The following TENM2 variants were observed in gnomAD, a reference collection of about 807,000 sequenced individuals.
TENM2 encodes teneurin-2.
In TENM2, 52 loss-of-function variants were observed where a neutral mutation model predicts 245.2. The ratio of observed to expected loss-of-function variants is 0.21; its 90% CI spans 0.17 to 0.27. The LOEUF (loss-of-function observed/expected upper bound fraction) is 0.27, where lower values mean the gene tolerates loss of function less well. TENM2 is among the 10% of genes least tolerant of loss of function. The pLI, the probability that TENM2 is intolerant of heterozygous loss-of-function variation, is 1.00. For synonymous variants in TENM2, 1,363 were observed against 1,438.9 expected (o/e 0.95, Z 1.19); for missense variants, 3,046 against 3,666.8 (o/e 0.83, Z 4.37).
At chr5:167,341,358 C>A (rs1048854286) in intron 1 of TENM2, among the ~76,000 whole-genome samples, 1 of 151,774 alleles carries the variant, frequency 6.6e-6, no homozygotes, top group Non-Finnish European at 1.5e-5. Context: ...TCCAAACTAC[C>A]GGGATATCTG....
chr5:167,818,093 C>T (rs1016394005), intron 2 of TENM2, among the ~76,000 whole-genome samples: 5 of 152,176 alleles, frequency 3.3e-5, no homozygotes, highest in African/African-American at 1.2e-4. Context: ...AATAGTGTTA[C>T]TTTACAGTTA....
chr5:167,309,680 A>G (rs1169352872), intron 1 of TENM2: 1 of 152,166 alleles, frequency 6.6e-6, no homozygotes, highest in Admixed American at 6.5e-5. Context: ...CTTAAGGTTC[A>G]TTTTGTCCCT....
chr5:168,255,746 C>T (rs561630724), intron 27 of TENM2, among the ~76,000 whole-genome samples: 5 of 152,136 alleles, frequency 3.3e-5, no homozygotes, highest in African/African-American at 4.8e-5. Context: ...TTTCTGTTTA[C>T]GCCAAGTAAG....
chr5:167,648,007 A>G (rs1780080704), intron 2 of TENM2, among the ~76,000 whole-genome samples: 1 of 152,224 alleles, frequency 6.6e-6, no homozygotes, highest in African/African-American at 2.4e-5. Flanking sequence ...TCCAAAAAGC[A>G]ATCCTCAGGA....
chr5:167,467,795 T>C (rs1044250570), intron 2 of TENM2, among the ~76,000 whole-genome samples: 1 of 152,208 alleles, frequency 6.6e-6, no homozygotes, highest in African/African-American at 2.4e-5. Flanking sequence ...GAAAATTTCA[T>C]ACAATATAAC....
intron 1 of TENM2, among the ~76,000 whole-genome samples, chr5:167,365,207 G>A (rs1306452526): frequency 6.6e-6 from 1 of 151,980 alleles, no homozygotes. Context: ...GGTCAAAGAA[G>A]TAGATGAGAA....
chr5:168,248,301 C>T (rs1396146749), exon 27 of TENM2: 2 of 1,613,914 alleles, frequency 1.2e-6, no homozygotes, highest in African/African-American at 2.7e-5. Flanking sequence ...AGCCGGCCCC[C>T]TTTAACCTGT....
the TENM2 span, among the ~76,000 whole-genome samples, chr5:167,195,424 C>T: frequency 6.6e-6 from 1 of 151,966 alleles, no homozygotes; most frequent in African/African-American, 2.4e-5. Context: ...CAGGGATCCA[C>T]AATTTTTTTC....
At chr5:167,966,650 G>A (rs1215331971) in intron 4 of TENM2, among the ~76,000 whole-genome samples, 2 of 152,190 alleles carry the variant, frequency 1.3e-5, no homozygotes, top group African/African-American at 4.8e-5. Flanking sequence ...TCTTCACCAT[G>A]CTGAGTGCAA....
rs1562321228 is a variant in TENM2, at chr5:168,238,263, A to AGAAAAGAAAAGAAAG, written c.5521-6143_5521-6142insGGAAAAGAAAAGAAA. On this transcript the variant is annotated intron_variant, in intron 25 of 28. Transcript: ENST00000518659. Reference sequence around the variant, plus strand: ...AGAAAAGAAAAGAAAAGAAAAGAAAAGAAAAGAAAAGAAAAGAAAAGAAAA... The same window carrying AGAAAAGAAAAGAAAG: ...AGAAAAGAAAAGAAAAGAAAAGAAAAGAAAAGAAAAGAAAGGAAAAGAAAAGAAAAGAAAAGAAAA... Among the ~76,000 whole-genome samples, 363 of 139,144 alleles carry AGAAAAGAAAAGAAAG rather than the reference A, an allele frequency of 2.6e-3. 29 individuals carry two copies. Among genetic ancestry groups the AGAAAAGAAAAGAAAG allele is most frequent in the African/African-American group, 9.8e-3 (314 of 31,992 alleles). 91.3% of individuals were successfully genotyped at this position (139,144 alleles called of 152,430 possible).
the TENM2 span, among the ~76,000 whole-genome samples, chr5:167,045,217 ATTCCGGAC>A: frequency 6.6e-6 from 1 of 152,158 alleles, no homozygotes; most frequent in African/African-American, 2.4e-5. Context: ...CTGAATCTAA[ATTCCGGAC>A]TTATTAGCTA....
chr5:167,248,996 T>C, the TENM2 span, among the ~76,000 whole-genome samples: 15 of 152,208 alleles, frequency 9.9e-5, no homozygotes, highest in East Asian at 2.7e-3. Flanking sequence ...AATAGGCCAA[T>C]AAAAGGGAAA....
At chr5:167,974,656 G>A (rs1782297114) in intron 4 of TENM2, among the ~76,000 whole-genome samples, 1 of 152,136 alleles carries the variant, frequency 6.6e-6, no homozygotes, top group African/African-American at 2.4e-5. Context: ...TTCATATGAG[G>A]AAACGAAGAT....
chr5:167,742,412 ACTAATT>A (rs1209152528), intron 2 of TENM2, among the ~76,000 whole-genome samples: 1 of 151,926 alleles, frequency 6.6e-6, no homozygotes, highest in Non-Finnish European at 1.5e-5. Flanking sequence ...AAGTCAGAAA[ACTAATT>A]CTAAAAATAG....
chr5:167,615,283 G>T (rs1486051735), intron 2 of TENM2, among the ~76,000 whole-genome samples: 14 of 152,090 alleles, frequency 9.2e-5, no homozygotes, highest in Non-Finnish European at 2.9e-5. Context: ...TTAAGAAGTG[G>T]TGGGCAGTAA....
At chr5:167,829,546 C>A (rs7448951) in intron 2 of TENM2, among the ~76,000 whole-genome samples, 115,456 of 152,110 alleles carry the variant, frequency 0.76, 45,503 homozygotes, top group East Asian at 0.99. Flanking sequence ...GTTTAAGAAG[C>A]CCTGGTAGCA....
chr5:167,335,253 A>G (rs1205358402), intron 1 of TENM2, among the ~76,000 whole-genome samples: 1 of 152,280 alleles, frequency 6.6e-6, no homozygotes, highest in Middle Eastern at 3.4e-3. Context: ...CACACATTTT[A>G]AAATGACCAG....
chr5:168,203,595 G>A (rs907504580), intron 17 of TENM2, 94 bp from the exon 20 acceptor site: 48 of 1,309,510 alleles, frequency 3.7e-5, no homozygotes, highest in Middle Eastern at 1.9e-4. Context: ...GTATTACTGC[G>A]AACACGTGCT....
the TENM2 span, among the ~76,000 whole-genome samples, chr5:167,149,868 G>T: frequency 4.6e-5 from 7 of 152,204 alleles, no homozygotes; most frequent in South Asian, 1.0e-3. Flanking sequence ...CACTAGGCTT[G>T]TGAGTATCTT....
Sources: gnomAD v4.1 joint callset for allele counts (sites outside exome capture counted in the v4.1 genomes callset) on GRCh38, gnomAD v4.1.1 for gene constraint, MANE v1.5 for transcripts, NCBI Gene and HGNC (gene_info 2026-07-23, HGNC 2026-07-21) for gene names.